The following ZNF277 variants were observed in gnomAD, a reference collection of about 807,000 sequenced individuals.
The protein encoded by ZNF277 is nuclear receptor-interacting factor 4.
Under a neutral mutation model 60.7 loss-of-function variants are expected in ZNF277, and 55 were observed. The observed-to-expected ratio is 0.91, with a 90% CI of 0.73 to 1.13. The LOEUF is 1.13. Among genes scored for constraint, ZNF277 ranks in the 50% most tolerant of loss-of-function variants. ZNF277 has a pLI of 0.00. For missense variants in ZNF277, 510 were observed against 523.0 expected (o/e 0.98, Z 0.24); for synonymous variants, 178 against 179.3 (o/e 0.99, Z 0.06).
rs200285161 is a variant in ZNF277 at position 112,217,997 on chromosome 7, C to CT, written c.91+11193dup. ...TGACCTGACCAATCAGCTCTTACCACTTTCTGATTCCCTATCCACCAAATT... is the reference window on the plus strand; with the variant it reads ...TGACCTGACCAATCAGCTCTTACCACTTTTCTGATTCCCTATCCACCAAATT... On this transcript the variant is annotated intron_variant, in intron 1 of 11. Transcript: ENST00000361822. Among the ~76,000 whole-genome samples, 91 of 152,258 alleles carry CT rather than the reference C, an allele frequency of 6.0e-4. No homozygotes were observed. In the East Asian group the frequency reaches 0.016, roughly 27 times the overall value.
intron 1 of ZNF277, among the ~76,000 whole-genome samples, chr7:112,257,411 G>A (rs76447106): frequency 0.017 from 2,535 of 152,226 alleles, 73 homozygotes; most frequent in African/African-American, 0.059. Flanking sequence ...ATCTTAATGG[G>A]TGCTAGAGAG....
At chr7:112,208,459 G>A (rs1181111773) in intron 1 of ZNF277, among the ~76,000 whole-genome samples, 1 of 151,820 alleles carries the variant, frequency 6.6e-6, no homozygotes, top group South Asian at 2.1e-4. Context: ...AAGTTTAAAA[G>A]TTTTTAAAAG....
chr7:112,242,845 G>A (rs1017023942), intron 1 of ZNF277, among the ~76,000 whole-genome samples: 3 of 151,976 alleles, frequency 2.0e-5, no homozygotes, highest in Non-Finnish European at 4.4e-5. Flanking sequence ...AACCACAAAA[G>A]AGCCTGAATA....
chr7:112,296,760 G>C (rs1477318815), intron 4 of ZNF277, among the ~76,000 whole-genome samples: 3 of 151,058 alleles, frequency 2.0e-5, no homozygotes, highest in African/African-American at 7.3e-5. Context: ...CTACATAGTA[G>C]CCTTTCTGGT....
chr7:112,297,437 G>C lies in ZNF277; in HGVS notation c.465+1126G>C, dbSNP rs546229591. ...AGAGAGAGAAATGATTTAAATATTT[G>C]TGCTATATCCTCAAGAGATCAAGGA... is the stretch of plus-strand genomic sequence containing the variant. On this transcript the variant is annotated intron_variant, in intron 4 of 11. Coordinates refer to ENST00000361822, the MANE Select transcript of ZNF277 (RefSeq NM_021994.3). Among the ~76,000 whole-genome samples, 5 of 152,116 alleles carry C rather than the reference G, an allele frequency of 3.3e-5. No homozygotes were observed. In the South Asian group the frequency reaches 1.0e-3, roughly 32 times the overall value.
intron 5 of ZNF277, among the ~76,000 whole-genome samples, chr7:112,323,583 G>A (rs1321573482): frequency 1.3e-5 from 2 of 152,174 alleles, no homozygotes; most frequent in African/African-American, 4.8e-5. Flanking sequence ...TGGAGCTAAG[G>A]GGAGGAGAAT....
intron 7 of ZNF277, among the ~76,000 whole-genome samples, chr7:112,334,913 A>G (rs1793301122): frequency 6.6e-6 from 1 of 152,170 alleles, no homozygotes; most frequent in South Asian, 2.1e-4. Flanking sequence ...TGAGATTCAG[A>G]CACTTCATGA....
intron 1 of ZNF277, among the ~76,000 whole-genome samples, chr7:112,214,084 G>A (rs1821820917): frequency 6.6e-6 from 1 of 152,094 alleles, no homozygotes; most frequent in South Asian, 2.1e-4. Flanking sequence ...GGATTTGATG[G>A]GTCAGATACC....
At chr7:112,254,739 C>T (rs756660935) in intron 1 of ZNF277, among the ~76,000 whole-genome samples, 42 of 151,980 alleles carry the variant, frequency 2.8e-4, no homozygotes, top group Non-Finnish European at 4.6e-4. Context: ...GAGGCCAAAG[C>T]GGGAAGATTG....
intron 7 of ZNF277, among the ~76,000 whole-genome samples, chr7:112,334,499 C>T (rs764300900): frequency 3.3e-5 from 5 of 151,016 alleles, no homozygotes; most frequent in African/African-American, 4.9e-5. Flanking sequence ...GCCACTTTCA[C>T]GTGCAAATTG....
chr7:112,255,252 A>G (rs1791282713), intron 1 of ZNF277, among the ~76,000 whole-genome samples: 1 of 152,192 alleles, frequency 6.6e-6, no homozygotes, highest in South Asian at 2.1e-4. Flanking sequence ...TTTTTTGGAA[A>G]CTATGACTTA....
rs1447563189 is a variant in ZNF277 at position 112,343,027 on chromosome 7, T to C, written c.*298T>C. 17 of 187,902 alleles carry C rather than the reference T, an allele frequency of 9.0e-5. No individual in the cohort carries two copies. Among genetic ancestry groups the C allele is most frequent in the Admixed American group, 7.7e-4 (13 of 16,902 alleles). The allele number at this position is 187,902 out of a possible 1,614,324, so 11.6% of individuals were successfully genotyped here. A position where few individuals can be genotyped will look rare whatever the true frequency, so the allele number is the denominator to read the frequency against. ...ACTTCATTAAACTCATAATTATATA[T>C]AGAAGTATATGTCAATTACAAAGAA... On this transcript the variant is annotated 3_prime_UTR_variant, in exon 12 of 12. Coordinates refer to ENST00000361822, the MANE Select transcript of ZNF277 (RefSeq NM_021994.3).
chr7:112,300,496 T>C (rs1433533587), intron 4 of ZNF277, among the ~76,000 whole-genome samples: 2 of 152,194 alleles, frequency 1.3e-5, no homozygotes, highest in African/African-American at 4.8e-5. Flanking sequence ...TGTATACATA[T>C]GTTTCTCAAG....
At chr7:112,278,877 A>G (rs1420281875) in intron 1 of ZNF277, among the ~76,000 whole-genome samples, 2 of 152,122 alleles carry the variant, frequency 1.3e-5, no homozygotes, top group Non-Finnish European at 2.9e-5. Context: ...GAAATTCCAT[A>G]CTCATTAAAC....
intron 1 of ZNF277, among the ~76,000 whole-genome samples, chr7:112,256,442 T>C (rs988432661): frequency 6.8e-6 from 1 of 147,376 alleles, no homozygotes; most frequent in African/African-American, 2.5e-5. Flanking sequence ...TTTTTTTTTT[T>C]TTTTTGAGAA....
In ZNF277 at chr7:112,295,892, G is replaced by C; in HGVS notation, c.317G>C (p.Arg106Thr). The C allele has an allele frequency of 1.9e-6, 3 of 1,612,552 alleles. No individual in the cohort carries two copies. Among genetic ancestry groups the C allele is most frequent in the Non-Finnish European group, 2.5e-6 (3 of 1,179,016 alleles). The change falls in exon 3 of 12, where the codon AGG (arginine) becomes ACG (threonine). Residue 106 changes from arginine (R) to threonine (T), a missense_variant. Arg to Thr is a moderately conservative substitution (Grantham distance 71). Transcript: ENST00000361822. ...AGGTACATTTTATATTGGAGGAAAA[G>C]GTTCACTGAACAGCCCATCACAGAT... The part of the protein sequence containing the change: ...FQRYILYWRK[R>T]FTEQPITDFC...
At chr7:112,221,429 G>C (rs1011955354) in intron 1 of ZNF277, among the ~76,000 whole-genome samples, 3 of 152,174 alleles carry the variant, frequency 2.0e-5, no homozygotes, top group South Asian at 4.1e-4. Flanking sequence ...ATCATATATG[G>C]CAGTGGTCCC....
At chr7:112,215,043 T>C (rs1443605414) in intron 1 of ZNF277, among the ~76,000 whole-genome samples, 1 of 152,126 alleles carries the variant, frequency 6.6e-6, no homozygotes, top group Non-Finnish European at 1.5e-5. Flanking sequence ...TGAGGCACTA[T>C]GAAAATATAG....
intron 1 of ZNF277, among the ~76,000 whole-genome samples, chr7:112,257,970 G>T (rs1178421989): frequency 6.6e-6 from 1 of 151,662 alleles, no homozygotes; most frequent in South Asian, 2.1e-4. Context: ...ACACCACCAG[G>T]CCTGGCTAAC....
Sources: allele counts gnomAD v4.1 joint callset (sites outside exome capture counted in the v4.1 genomes callset), GRCh38; gene constraint gnomAD v4.1.1; transcripts MANE v1.5; gene names NCBI Gene and HGNC (gene_info 2026-07-23, HGNC 2026-07-21).